C4orf50: variants seen among roughly 807,000 people sequenced by gnomAD.
C4orf50 encodes chromosome 4 open reading frame 50.
A neutral mutation model predicts 77.2 loss-of-function variants in C4orf50; 80 were observed. That is an observed-to-expected ratio of 1.04 (90% CI 0.87 to 1.25). The LOEUF (loss-of-function observed/expected upper bound fraction) is 1.25, where lower values mean the gene tolerates loss of function less well. Ranked by LOEUF, C4orf50 falls within the 50% of genes most tolerant of loss-of-function variation. C4orf50 has a pLI of 0.00. For synonymous variants in C4orf50, 532 were observed against 465.3 expected, an observed-to-expected ratio of 1.14 and a Z score of -1.84; for missense variants, 1,257 against 1,152.9, an observed-to-expected ratio of 1.09 and a Z score of -1.31.
chr4:5,977,019 A>G (rs1223662383), intron 29 of C4orf50, among the ~76,000 whole-genome samples: 1 of 152,182 alleles, frequency 6.6e-6, no homozygotes, highest in Non-Finnish European at 1.5e-5. Context: ...AGGATTTAAG[A>G]ATTCCAGGTG....
intron 7 of C4orf50, among the ~76,000 whole-genome samples, chr4:5,925,976 G>A (rs1717494702): frequency 6.6e-6 from 1 of 152,182 alleles, no homozygotes; most frequent in African/African-American, 2.4e-5. Flanking sequence ...GGCAGAGAGG[G>A]GTTCCTGTGG....
At chr4:5,914,758 T>C (rs1231410440) in intron 7 of C4orf50, among the ~76,000 whole-genome samples, 1 of 152,218 alleles carries the variant, frequency 6.6e-6, no homozygotes, top group East Asian at 1.9e-4. Flanking sequence ...TTGTACTTGA[T>C]CTCACTTGGA....
At chr4:5,980,585 C>T (rs906161332) in intron 28 of C4orf50, among the ~76,000 whole-genome samples, 3 of 152,034 alleles carry the variant, frequency 2.0e-5, no homozygotes, top group Admixed American at 6.6e-5. Flanking sequence ...TCCCTAGACA[C>T]GTGCATGTAT....
At chr4:5,965,850 G>A (rs1719535507) in intron 32 of C4orf50, among the ~76,000 whole-genome samples, 1 of 152,246 alleles carries the variant, frequency 6.6e-6, no homozygotes, top group African/African-American at 2.4e-5. Context: ...GTATGGCTCA[G>A]AGAGGTTAAT....
chr4:5,980,185 G>C (rs1409702549), exon 29 of C4orf50: 4 of 1,598,256 alleles, frequency 2.5e-6, no homozygotes, highest in Non-Finnish European at 3.4e-6. Context: ...TTGGCCTGGA[G>C]CTCCTCCTGG....
intron 31 of C4orf50, among the ~76,000 whole-genome samples, chr4:5,969,520 C>G (rs1372922937): frequency 6.6e-6 from 1 of 151,794 alleles, no homozygotes; most frequent in East Asian, 1.9e-4. Flanking sequence ...TCACCTACCT[C>G]TTTGCCCCGA....
In C4orf50 at chr4:5,932,276, T is replaced by C. The variant is rs1717801483; in HGVS notation, c.*2474+24625A>G. Among the ~76,000 whole-genome samples the C allele has an allele frequency of 6.6e-6, 1 of 152,032 alleles. No individual in the cohort carries two copies. The highest frequency in any genetic ancestry group is 2.1e-4 in the South Asian group (1 of 4,816). On this transcript the variant is annotated intron_variant, in intron 7 of 7. Transcript: ENST00000324058. This position sits in a 1 kb window ranked among gnomAD's most constrained non-coding sequence, Gnocchi z 4.2. ...TCTGGCACACTCTTTCCTTGGCCCA[T>C]TTATGGAGCACGCACATGAGTAGCG...
intron 33 of C4orf50, among the ~76,000 whole-genome samples, chr4:5,962,035 T>C (rs532873005): frequency 6.6e-6 from 1 of 152,302 alleles, no homozygotes; most frequent in South Asian, 2.1e-4. Context: ...GGCAAGGAGC[T>C]CTGTTCCCAA....
chr4:5,989,680 G>A (rs904512241), exon 28 of C4orf50: 1 of 1,536,130 alleles, frequency 6.5e-7, no homozygotes, highest in African/African-American at 1.4e-5. Context: ...CACAGCCTGT[G>A]GATGACCATG....
At chr4:5,985,474 C>G (rs572102722) in intron 28 of C4orf50, among the ~76,000 whole-genome samples, 1 of 150,940 alleles carries the variant, frequency 6.6e-6, no homozygotes, top group Non-Finnish European at 1.5e-5. Flanking sequence ...GTAAAGAAAA[C>G]TAATTTAAAG....
rs767202659 is a variant in C4orf50, at chr4:5,908,282, G to C, written c.*2475-10094C>G. On this transcript the variant is annotated intron_variant, in intron 7 of 7. Coordinates refer to the C4orf50 transcript ENST00000324058. This position sits in a 1 kb window ranked among gnomAD's most constrained non-coding sequence, Gnocchi z 5.6. ...TTACAAAGTAACAGTGTACTAAAGA[G>C]AGTCAGATGAAGGATCCATTTGAGA... Among the ~76,000 whole-genome samples, 2 of 152,154 alleles carry C rather than the reference G, an allele frequency of 1.3e-5. No homozygotes were observed. Among genetic ancestry groups the C allele is most frequent in the African/African-American group, 2.4e-5 (1 of 41,436 alleles).
chr4:5,949,136 A>C (rs1394340642), intron 7 of C4orf50, among the ~76,000 whole-genome samples: 1 of 152,178 alleles, frequency 6.6e-6, no homozygotes, highest in East Asian at 1.9e-4. Flanking sequence ...AGAGCACAGC[A>C]AACACCACAG....
intron 7 of C4orf50, among the ~76,000 whole-genome samples, chr4:5,942,861 A>C (rs768498686): frequency 2.0e-5 from 3 of 152,224 alleles, no homozygotes; most frequent in African/African-American, 7.2e-5. Flanking sequence ...TTTTTCAAAA[A>C]GCCTGGATGC....
At chr4:5,971,761 T>A (rs1044555930) in intron 31 of C4orf50, among the ~76,000 whole-genome samples, 2 of 152,218 alleles carry the variant, frequency 1.3e-5, no homozygotes, top group Admixed American at 6.5e-5. Context: ...CTCTTTCTCA[T>A]AGGATATTTA....
chr4:5,974,207 G>T (rs1469638149), intron 30 of C4orf50, among the ~76,000 whole-genome samples: 1 of 152,190 alleles, frequency 6.6e-6, no homozygotes, highest in Non-Finnish European at 1.5e-5. Context: ...CAGGATAAAA[G>T]GAGACGGCGC....
chr4:5,955,106 C>T (rs1718894600), downstream of C4orf50, among the ~76,000 whole-genome samples: 1 of 152,152 alleles, frequency 6.6e-6, no homozygotes, highest in African/African-American at 2.4e-5. This position sits in a 1 kb window ranked among gnomAD's most constrained non-coding sequence, Gnocchi z 5.1. Context: ...CTCCTTCCCA[C>T]CTGCACCTTA....
chr4:5,968,999 A>G (rs1055756922), intron 31 of C4orf50, among the ~76,000 whole-genome samples: 4 of 151,988 alleles, frequency 2.6e-5, no homozygotes, highest in Non-Finnish European at 5.9e-5. Flanking sequence ...TGCCTCTGCC[A>G]CTCACTGATT....
At chr4:5,897,787 G>A (rs1038869693) in exon 8 of C4orf50, 1 of 152,238 alleles carries the variant, frequency 6.6e-6, no homozygotes, top group African/African-American at 2.4e-5. Context: ...CAACTGGTCA[G>A]GAATCCAGTG....
exon 28 of C4orf50, chr4:5,989,709 T>C: frequency 2.0e-6 from 3 of 1,536,010 alleles, no homozygotes; most frequent in Non-Finnish European, 2.6e-6. Flanking sequence ...GTTCGGCCCC[T>C]TCAACTGATA....
Sources: gnomAD v4.1 joint callset for allele counts (sites outside exome capture counted in the v4.1 genomes callset) on GRCh38, gnomAD v4.1.1 for gene constraint, Gnocchi (gnomAD v3.1) non-coding constraint, MANE v1.5 for transcripts, NCBI Gene and HGNC (gene_info 2026-07-23, HGNC 2026-07-21) for gene names.